Variants in CAMK4 observed in about 807,000 individuals in gnomAD.
CAMK4 encodes the protein calcium/calmodulin dependent protein kinase IV.
In CAMK4, 22 loss-of-function variants were observed where a neutral mutation model predicts 44.9. That is an observed-to-expected ratio of 0.49 (90% CI 0.35 to 0.70). CAMK4 has a LOEUF of 0.70. CAMK4 is among the 30% of genes least tolerant of loss of function. CAMK4 has a pLI of 0.01. For synonymous variants in CAMK4, 218 were observed against 215.4 expected (o/e 1.01, Z -0.11); for missense variants, 498 against 586.8 (o/e 0.85, Z 1.56).
At chr5:111,352,045 A>G (rs1480368968) in intron 2 of CAMK4, among the ~76,000 whole-genome samples, 2 of 152,066 alleles carry the variant, frequency 1.3e-5, no homozygotes, top group East Asian at 3.9e-4. Context: ...TAATCCTATC[A>G]TGAGGGCTCT....
Position 111,482,923 on chromosome 5 carries a change from C to T in CAMK4, c.967C>T (p.Arg323Trp), listed in dbSNP as rs781411517. The T allele has an allele frequency of 5.6e-6, 9 of 1,603,716 alleles. No individual in the cohort carries two copies. Among genetic ancestry groups the T allele is most frequent in the Non-Finnish European group, 6.8e-6 (8 of 1,176,850 alleles). The change falls in exon 10 of 11, where the codon CGG (arginine) becomes TGG (tryptophan). Residue 323 changes from arginine (R) to tryptophan (W), a missense_variant. Transcript: ENST00000282356. The surrounding 1 kb of genome is among the most constrained non-coding windows in gnomAD (Gnocchi z 4.9). The part of the protein sequence containing the change: ...AQKKLQEFNA[R>W]RKLKAAVKAV... ...AAAGAAGCTCCAAGAATTCAATGCC[C>T]GGCGTAAGCTTAAGGTAAGATAGCA... is the stretch of plus-strand genomic sequence containing the variant.
intron 1 of CAMK4, among the ~76,000 whole-genome samples, chr5:111,253,946 A>G (rs1749628806): frequency 6.6e-6 from 1 of 152,182 alleles, no homozygotes; most frequent in Admixed American, 6.5e-5. Flanking sequence ...ATTATCTGTA[A>G]TGTTATATAT....
rs201138755 is a variant in CAMK4 at position 111,283,908 on chromosome 5, T to TC, written c.161+59265dup. Among the ~76,000 whole-genome samples, 65 of 152,360 alleles carry TC rather than the reference T, an allele frequency of 4.3e-4. No homozygotes were observed. In the East Asian group the frequency reaches 0.012, roughly 27 times the overall value. On this transcript the variant is annotated intron_variant, in intron 1 of 10. Transcript: ENST00000282356. ...TCCATCCTCATGAGCATTTAGGTTG[T>TC]CTCCTTTTTCTTTGCTATTCCATTT...
chr5:111,227,019 T>C (rs1037026877), intron 1 of CAMK4, among the ~76,000 whole-genome samples: 4 of 152,174 alleles, frequency 2.6e-5, no homozygotes, highest in African/African-American at 9.7e-5. Flanking sequence ...AAAGCTAAAA[T>C]GTCTTACTTA....
intron 1 of CAMK4, among the ~76,000 whole-genome samples, chr5:111,300,056 C>G (rs1469381769): frequency 1.3e-5 from 2 of 152,132 alleles, no homozygotes; most frequent in Non-Finnish European, 1.5e-5. Flanking sequence ...GCACCTCTTG[C>G]CTTCTTTGTC....
chr5:111,351,225 T>C (rs551811703), intron 2 of CAMK4, among the ~76,000 whole-genome samples: 4 of 152,238 alleles, frequency 2.6e-5, no homozygotes, highest in Admixed American at 1.3e-4. Context: ...AGGAAGAATA[T>C]ACTACATTTG....
intron 1 of CAMK4, among the ~76,000 whole-genome samples, chr5:111,295,173 CT>C (rs2112633660): frequency 6.6e-6 from 1 of 152,294 alleles, no homozygotes; most frequent in South Asian, 2.1e-4. Context: ...TCCCCTTTAT[CT>C]CCTATTTAAG....
Position 111,348,866 on chromosome 5 carries a change from T to A in CAMK4, c.240+4764T>A, listed in dbSNP as rs1380110867. ...GCTATTCAGAAAGCATTTCAAGATC[T>A]TGCACTCTCTAAATGTTATGACAAA... is the stretch of plus-strand genomic sequence containing the variant. On this transcript the variant is annotated intron_variant, in intron 2 of 10. Coordinates refer to ENST00000282356, the MANE Select transcript of CAMK4 (RefSeq NM_001744.6). Among the ~76,000 whole-genome samples, 3 of 152,066 alleles carry A rather than the reference T, an allele frequency of 2.0e-5. No individual in the cohort carries two copies. The East Asian group carries it at 5.8e-4, about 29-fold the overall frequency.
chr5:111,467,594 G>GA, intron 7 of CAMK4, among the ~76,000 whole-genome samples: 1 of 151,964 alleles, frequency 6.6e-6, no homozygotes, highest in Non-Finnish European at 1.5e-5. Context: ...ACAAACATAT[G>GA]AAAAAAATGC....
intron 1 of CAMK4, among the ~76,000 whole-genome samples, chr5:111,277,272 A>T (rs182786215): frequency 6.6e-6 from 1 of 152,204 alleles, no homozygotes; most frequent in South Asian, 2.1e-4. Flanking sequence ...ACTGGAGTCT[A>T]GTAGGAGCTG....
At chr5:111,456,581 T>A (rs980514771) in intron 7 of CAMK4, among the ~76,000 whole-genome samples, 2 of 152,206 alleles carry the variant, frequency 1.3e-5, no homozygotes, top group Admixed American at 6.5e-5. Flanking sequence ...TGGCCATTTT[T>A]AAATAGTTTT....
At chr5:111,232,240 A>G (rs1290813779) in intron 1 of CAMK4, among the ~76,000 whole-genome samples, 4 of 152,194 alleles carry the variant, frequency 2.6e-5, no homozygotes, top group East Asian at 1.9e-4. Context: ...AGGCACCAAC[A>G]ATATATTTAA....
chr5:111,298,682 T>C (rs993994377), intron 1 of CAMK4, among the ~76,000 whole-genome samples: 1 of 152,202 alleles, frequency 6.6e-6, no homozygotes, highest in Non-Finnish European at 1.5e-5. Context: ...GAAGCACAAG[T>C]TACTGCTCTT....
At chr5:111,377,038 CA>C in intron 4 of CAMK4, 96 bp downstream of exon 4, 1 of 738,006 alleles carries the variant, frequency 1.4e-6, no homozygotes, top group Non-Finnish European at 2.3e-6. Flanking sequence ...TTTATAATGA[CA>C]GATTATACTT....
At chr5:111,284,289 C>G in intron 1 of CAMK4, among the ~76,000 whole-genome samples, 1 of 152,142 alleles carries the variant, frequency 6.6e-6, no homozygotes, top group East Asian at 1.9e-4. Context: ...GTCAAATAAA[C>G]ATTAATATAT....
intron 1 of CAMK4, among the ~76,000 whole-genome samples, chr5:111,230,044 G>A (rs1748392131): frequency 6.6e-6 from 1 of 152,170 alleles, no homozygotes; most frequent in Non-Finnish European, 1.5e-5. Context: ...TGCAGCATGT[G>A]TACCCGCTTC....
At chr5:111,382,351 A>G (rs1443943067) in intron 4 of CAMK4, among the ~76,000 whole-genome samples, 1 of 152,194 alleles carries the variant, frequency 6.6e-6, no homozygotes. Context: ...GGTTTGAGAA[A>G]TGGAACTGAG....
chr5:111,264,017 G>A (rs1037731448), intron 1 of CAMK4, among the ~76,000 whole-genome samples: 1 of 152,150 alleles, frequency 6.6e-6, no homozygotes, highest in Non-Finnish European at 1.5e-5. Flanking sequence ...TTTTGAAACT[G>A]CCAAGCTTAC....
intron 5 of CAMK4, among the ~76,000 whole-genome samples, chr5:111,410,199 A>G (rs531422731): frequency 6.6e-6 from 1 of 152,224 alleles, no homozygotes; most frequent in Non-Finnish European, 1.5e-5. Flanking sequence ...TTTATAAAGG[A>G]AAGAGGTTTA....
Sources: allele counts gnomAD v4.1 joint callset (sites outside exome capture counted in the v4.1 genomes callset), GRCh38; gene constraint gnomAD v4.1.1; non-coding constraint Gnocchi (gnomAD v3.1); transcripts MANE v1.5; gene names NCBI Gene and HGNC (gene_info 2026-07-23, HGNC 2026-07-21).